Variants in ZNF562 observed in about 807,000 individuals in gnomAD.
ZNF562 encodes zinc finger protein 562.
A neutral mutation model predicts 17.5 loss-of-function variants in ZNF562; 13 were observed. The observed-to-expected ratio is 0.74, with a 90% CI of 0.48 to 1.18. The LOEUF is 1.18. Ranked by LOEUF, ZNF562 falls within the 50% of genes most tolerant of loss-of-function variation. The probability of loss-of-function intolerance (pLI) is 0.00; values close to 1 mark genes in which losing one functional copy is unlikely to be tolerated. For missense variants in ZNF562, 481 were observed against 498.5 expected, an observed-to-expected ratio of 0.96 and a Z score of 0.33; for synonymous variants, 163 against 165.4, an observed-to-expected ratio of 0.99 and a Z score of 0.11.
In ZNF562 at chr19:9,642,574, G is replaced by A. The variant is rs1391270722; in HGVS notation, c.*10375C>T. On this transcript the variant is annotated 3_prime_UTR_variant, in exon 6 of 6. Coordinates refer to ENST00000453372, the MANE Select transcript of ZNF562 (RefSeq NM_001130031.2). ...TTACAACTGTGAGCCACTCTGCTTG[G>A]CCCTTTATTCTTTTACATATTTAAT... 6.6e-6 allele frequency: 1 copy of A among 151,892 alleles called. No homozygotes were observed. The highest frequency in any genetic ancestry group is 1.5e-5 in the Non-Finnish European group (1 of 68,004). 9.4% of individuals were successfully genotyped at this position (151,892 alleles called of 1,614,324 possible).
intron 2 of ZNF562, among the ~76,000 whole-genome samples, chr19:9,660,430 C>T (rs557003342): frequency 3.3e-5 from 5 of 152,030 alleles, no homozygotes; most frequent in African/African-American, 7.2e-5. Flanking sequence ...AGTTCAAGAC[C>T]GGCCTGACCA....
intron 1 of ZNF562, among the ~76,000 whole-genome samples, chr19:9,674,406 A>G (rs939194019): frequency 3.3e-5 from 5 of 152,128 alleles, no homozygotes; most frequent in African/African-American, 1.2e-4. Flanking sequence ...TTAAAAAGAA[A>G]TTTAAAACTC....
At chr19:9,664,288 G>A (rs2043863665) in intron 1 of ZNF562, among the ~76,000 whole-genome samples, 2 of 152,076 alleles carry the variant, frequency 1.3e-5, no homozygotes, top group Admixed American at 6.6e-5. Context: ...TGGATGGTCT[G>A]GAACTCCTGA....
Position 9,660,807 on chromosome 19 carries a change from G to C in ZNF562, c.-63C>G. 1 of 1,583,826 alleles carries C rather than the reference G, an allele frequency of 6.3e-7. No individual in the cohort carries two copies. On this transcript the variant is annotated 5_prime_UTR_variant, in exon 2 of 6. Transcript: ENST00000453372. ...CTTTCTTGATGCCAAGATCGCCTCA[G>C]GGCAGCTTATGAATCTAGGTGGATA...
rs2074833484 is a variant in ZNF562, at chr19:9,649,081, T to C, written c.*3868A>G. The C allele has an allele frequency of 6.6e-6, 1 of 152,222 alleles. No homozygotes were observed. The highest frequency in any genetic ancestry group is 1.5e-5 in the Non-Finnish European group (1 of 68,036). The allele number at this position is 152,222 out of a possible 1,614,324, so 9.4% of individuals were successfully genotyped here. A position where few individuals can be genotyped will look rare whatever the true frequency, so the allele number is the denominator to read the frequency against. ...ATGGATTGTGAAGGTTTCATGGACA[T>C]TTATTAGTTCCCCAAATTAATACTT... On this transcript the variant is annotated 3_prime_UTR_variant, in exon 6 of 6. Transcript: ENST00000453372.
At position 9,658,152 on chromosome 19, in the gene ZNF562, A is replaced by T; in HGVS notation, c.115-17T>A. On this transcript the variant is annotated splice_polypyrimidine_tract_variant and intron_variant, in intron 3 of 5. Coordinates refer to ENST00000453372, the MANE Select transcript of ZNF562 (RefSeq NM_001130031.2). ...CACTGAATCCTAAGTCATCAAACAC[A>T]TGCTGGTTTGAGCCAATGAACACTT... The T allele has an allele frequency of 1.2e-6, 2 of 1,608,866 alleles. No individual in the cohort carries two copies. Among genetic ancestry groups the T allele is most frequent in the Non-Finnish European group, 1.7e-6 (2 of 1,177,358 alleles).
At chr19:9,670,312 T>C (rs1382935037) in intron 1 of ZNF562, among the ~76,000 whole-genome samples, 1 of 152,142 alleles carries the variant, frequency 6.6e-6, no homozygotes, top group Non-Finnish European at 1.5e-5. Context: ...CCATATGATC[T>C]GGAATCCCAT....
chr19:9,673,897 C>T (rs1055638345), intron 1 of ZNF562, among the ~76,000 whole-genome samples: 34 of 152,136 alleles, frequency 2.2e-4, no homozygotes, highest in African/African-American at 7.9e-4. Flanking sequence ...ATCCCAGCTA[C>T]TCGGGAGGCT....
rs956868991 is a variant in ZNF562 at position 9,645,914 on chromosome 19, G to A, written c.*7035C>T. On this transcript the variant is annotated 3_prime_UTR_variant, in exon 6 of 6. Transcript: ENST00000453372. ...ACATCAAGAATAAAATAAATTAAAG[G>A]TATGATCAATACACATCAGTACAAA... The A allele has an allele frequency of 3.3e-5, 5 of 151,960 alleles. No homozygotes were observed. The East Asian group carries it at 9.7e-4, about 29-fold the overall frequency. 9.4% of individuals were successfully genotyped at this position (151,960 alleles called of 1,614,324 possible).
At chr19:9,660,658 CTT>C in intron 2 of ZNF562, 60 bp downstream of exon 2, 1 of 1,566,634 alleles carries the variant, frequency 6.4e-7, no homozygotes, top group South Asian at 1.1e-5. Flanking sequence ...TCACTGGACT[CTT>C]ATGTTGTGGA....
At chr19:9,665,277 G>A (rs964776189) in intron 1 of ZNF562, among the ~76,000 whole-genome samples, 3 of 150,528 alleles carry the variant, frequency 2.0e-5, no homozygotes, top group African/African-American at 4.9e-5. Flanking sequence ...AAACTCCAAG[G>A]AGATGGTAAG....
chr19:9,659,749 G>A (rs1317110379), intron 2 of ZNF562, among the ~76,000 whole-genome samples: 2 of 151,530 alleles, frequency 1.3e-5, no homozygotes, highest in Non-Finnish European at 2.9e-5. Context: ...TAACACTCAT[G>A]AAGCTTATGT....
Position 9,660,824 on chromosome 19 carries a change from A to T in ZNF562, c.-80T>A. ...TCGCCTCAGGGCAGCTTATGAATCT[A>T]GGTGGATACAGGCAATCTCCATTCC... On this transcript the variant is annotated 5_prime_UTR_variant, in exon 2 of 6. Transcript: ENST00000453372. 1.4e-6 allele frequency: 2 copies of T among 1,444,490 alleles called. No homozygotes were observed. The highest frequency in any genetic ancestry group is 1.9e-6 in the Non-Finnish European group (2 of 1,037,996). The allele number at this position is 1,444,490 out of a possible 1,614,324, so 89.5% of individuals were successfully genotyped here. A position where few individuals can be genotyped will look rare whatever the true frequency, so the allele number is the denominator to read the frequency against.
chr19:9,668,504 G>A (rs2044032797), intron 1 of ZNF562, among the ~76,000 whole-genome samples: 1 of 152,086 alleles, frequency 6.6e-6, no homozygotes, highest in South Asian at 2.1e-4. Context: ...CCATGCTCAT[G>A]GATTAGAAGA....
intron 5 of ZNF562, among the ~76,000 whole-genome samples, 168 bp downstream of exon 5, chr19:9,656,379 G>A (rs534169728): frequency 6.6e-6 from 1 of 152,102 alleles, no homozygotes; most frequent in African/African-American, 2.4e-5. Flanking sequence ...CATGGTGGTG[G>A]GTGCCTGTAG....
chr19:9,670,305 T>C (rs1048853308), intron 1 of ZNF562, among the ~76,000 whole-genome samples: 4 of 152,158 alleles, frequency 2.6e-5, no homozygotes, highest in South Asian at 4.2e-4. Flanking sequence ...AGAACTACCA[T>C]ATGATCTGGA....
At position 9,652,780 on chromosome 19, in the gene ZNF562, A is replaced by C. The variant is rs566285582; in HGVS notation, c.*169T>G. The C allele has an allele frequency of 6.9e-6, 4 of 580,992 alleles. No homozygotes were observed. The South Asian group carries it at 1.6e-4, about 23-fold the overall frequency. 36.0% of individuals were successfully genotyped at this position (580,992 alleles called of 1,614,324 possible). A position where few individuals can be genotyped will look rare whatever the true frequency, so the allele number is the denominator to read the frequency against. The stretch of plus-strand genomic sequence containing the variant: ...TGGGCTAAATGGTAACAACACTCAT[A>C]TCCTTACATTCATAGTATTTCTCCC... On this transcript the variant is annotated 3_prime_UTR_variant, in exon 6 of 6. Transcript: ENST00000453372.
chr19:9,651,332 C>T lies in ZNF562; in HGVS notation c.*1617G>A, dbSNP rs189197841. 32 of 152,150 alleles carry T rather than the reference C, an allele frequency of 2.1e-4. No homozygotes were observed. Among genetic ancestry groups the T allele is most frequent in the Admixed American group, 5.2e-4 (8 of 15,270 alleles). 9.4% of individuals were successfully genotyped at this position (152,150 alleles called of 1,614,324 possible). On this transcript the variant is annotated 3_prime_UTR_variant, in exon 6 of 6. Transcript: ENST00000453372. Reference sequence around the variant, plus strand: ...GGCAGAACTGTATTCTAGCATTTTACGGAAGGTAGAGCTTGAGACAGATAA... The same window carrying T: ...GGCAGAACTGTATTCTAGCATTTTATGGAAGGTAGAGCTTGAGACAGATAA...
intron 1 of ZNF562, among the ~76,000 whole-genome samples, chr19:9,666,854 A>C (rs2043976229): frequency 6.6e-6 from 1 of 152,158 alleles, no homozygotes; most frequent in Non-Finnish European, 1.5e-5. Context: ...CAACACAACA[A>C]TAACAAGATC....
Sources: allele counts gnomAD v4.1 joint callset (sites outside exome capture counted in the v4.1 genomes callset), GRCh38; gene constraint gnomAD v4.1.1; transcripts MANE v1.5; gene names NCBI Gene and HGNC (gene_info 2026-07-23, HGNC 2026-07-21).